MCM8: variants seen among roughly 807,000 people sequenced by gnomAD.
The protein encoded by MCM8 is DNA helicase MCM8.
Under a neutral mutation model 98.9 loss-of-function variants are expected in MCM8, and 85 were observed. That is an observed-to-expected ratio of 0.86 (90% CI 0.72 to 1.03). MCM8 has a LOEUF of 1.03. Among genes scored for constraint, MCM8 ranks in the 50% least tolerant of loss-of-function variants. The probability of loss-of-function intolerance (pLI) is 0.00; values close to 1 mark genes in which losing one functional copy is unlikely to be tolerated. For missense variants in MCM8, 951 were observed against 997.8 expected (o/e 0.95, Z 0.63); for synonymous variants, 352 against 338.6 (o/e 1.04, Z -0.44).
chr20:5,990,505 G>C (rs1303307097), intron 17 of MCM8, among the ~76,000 whole-genome samples: 2 of 152,150 alleles, frequency 1.3e-5, no homozygotes. Context: ...TTATGTTGGA[G>C]ACCCTCTAGT....
chr20:5,975,730 T>C lies in MCM8; in HGVS notation c.1396-2146T>C, dbSNP rs969074160. On this transcript the variant is annotated intron_variant, in intron 12 of 18. Transcript: ENST00000610722. ...CGAGGAGGGTCTCCATCTCCTGACCTTGTGATCCGCCCGCCTCAGCCTCCC... is the reference window on the plus strand; with the variant it reads ...CGAGGAGGGTCTCCATCTCCTGACCCTGTGATCCGCCCGCCTCAGCCTCCC... Among the ~76,000 whole-genome samples, 31 of 151,720 alleles carry C rather than the reference T, an allele frequency of 2.0e-4. No homozygotes were observed. The East Asian group carries it at 5.6e-3, about 28-fold the overall frequency.
intron 1 of MCM8, among the ~76,000 whole-genome samples, chr20:5,951,686 A>G (rs1042212996): frequency 2.0e-5 from 3 of 152,214 alleles, no homozygotes; most frequent in Non-Finnish European, 4.4e-5. Flanking sequence ...TCATAGAGTT[A>G]ATTACCTGTC....
intron 7 of MCM8, 45 bp from the exon 8 acceptor site, chr20:5,963,229 A>G (rs2089192007): frequency 1.4e-6 from 2 of 1,400,898 alleles, no homozygotes; most frequent in Non-Finnish European, 1.0e-6. Context: ...AGGTGTGATT[A>G]TAGTTTATCA....
chr20:5,959,928 A>T (rs982875783), intron 7 of MCM8, among the ~76,000 whole-genome samples: 4 of 151,888 alleles, frequency 2.6e-5, no homozygotes, highest in African/African-American at 9.7e-5. Context: ...CAAACTCCTG[A>T]CCTGGTGATC....
intron 10 of MCM8, 92 bp from the exon 11 acceptor site, chr20:5,971,915 A>C (rs979513859): frequency 9.7e-7 from 1 of 1,026,822 alleles, no homozygotes; most frequent in African/African-American, 1.6e-5. Flanking sequence ...GTCTTTGTTG[A>C]TATTAAGCAG....
In MCM8 at chr20:5,977,887, T is replaced by C. The variant is rs756211514; in HGVS notation, c.1407T>C (p.Asn469=). 2 of 1,614,194 alleles carry C rather than the reference T, an allele frequency of 1.2e-6. No homozygotes were observed. Among genetic ancestry groups the C allele is most frequent in the Non-Finnish European group, 1.7e-6 (2 of 1,180,020 alleles). The change falls in exon 13 of 19, where the codon AAT becomes AAC. Residue 469 remains asparagine (N), a synonymous_variant. Transcript: ENST00000610722. ...GKSQMLQAAC[N]VAPRGVYVCG... ...TTTTGTTTCCTTAGGCAGCGTGCAA[T>C]GTTGCCCCACGTGGCGTGTATGTTT...
intron 5 of MCM8, 71 bp downstream of exon 5, chr20:5,955,322 T>C: frequency 7.1e-7 from 1 of 1,412,910 alleles, no homozygotes; most frequent in Non-Finnish European, 9.7e-7. Flanking sequence ...ACACCTTGTC[T>C]AAGTTTAAAG....
Position 5,998,891 on chromosome 20 carries a change from C to T in MCM8, c.*4500C>T, listed in dbSNP as rs1466125684. 6.6e-6 allele frequency: 1 copy of T among 152,066 alleles called. No homozygotes were observed. The highest frequency in any genetic ancestry group is 1.5e-5 in the Non-Finnish European group (1 of 68,018). The allele number at this position is 152,066 out of a possible 1,614,324, so 9.4% of individuals were successfully genotyped here. On this transcript the variant is annotated 3_prime_UTR_variant, in exon 19 of 19. Coordinates refer to ENST00000610722, the MANE Select transcript of MCM8 (RefSeq NM_032485.6). ...CTTGGGAATGGAAAGGCAGAGTGCA[C>T]CTATTGAATTCCATCATCAGTTTTT... is the stretch of plus-strand genomic sequence containing the variant.
intron 1 of MCM8, 59 bp from the exon 2 acceptor site, chr20:5,951,952 T>C (rs940932993): frequency 1.3e-6 from 2 of 1,530,674 alleles, no homozygotes; most frequent in Non-Finnish European, 1.8e-6. Context: ...TAATACATTT[T>C]TAAGAGCACT....
chr20:5,977,211 C>CG (rs1568588153), intron 12 of MCM8, among the ~76,000 whole-genome samples: 2 of 152,202 alleles, frequency 1.3e-5, no homozygotes, highest in Non-Finnish European at 2.9e-5. Context: ...CTGCCATACA[C>CG]GGCAGTTTTA....
Position 5,996,974 on chromosome 20 carries a change from G to A in MCM8, c.*2583G>A, listed in dbSNP as rs1157063180. ...AAGCTCTGGCCTAGGCTTTTCACTT[G>A]CTTCTTTACTGCCTGACTGACTTTG... is the stretch of plus-strand genomic sequence containing the variant. On this transcript the variant is annotated 3_prime_UTR_variant, in exon 19 of 19. Transcript: ENST00000610722. The A allele has an allele frequency of 6.6e-6, 1 of 152,202 alleles. No homozygotes were observed. Among genetic ancestry groups the A allele is most frequent in the Non-Finnish European group, 1.5e-5 (1 of 68,068 alleles). The allele number at this position is 152,202 out of a possible 1,614,324, so 9.4% of individuals were successfully genotyped here.
intron 12 of MCM8, among the ~76,000 whole-genome samples, chr20:5,974,016 C>T (rs1382884532): frequency 6.6e-6 from 1 of 152,148 alleles, no homozygotes; most frequent in East Asian, 1.9e-4. Context: ...CTGCCTCTGC[C>T]AGTCAGAGCC....
chr20:5,958,561 G>T lies in MCM8; in HGVS notation c.624G>T (p.Lys208Asn). ...ACTATGAGCCTTTGACACAGCTCAA[G>T]AATGTCAGAGCAAATTACTATGGAA... The part of the protein sequence containing the change: ...VYNYEPLTQL[K>N]NVRANYYGKY... Residue 208 changes from lysine (K) to asparagine (N), a missense_variant, in exon 7 of 19, where the codon AAG (lysine) becomes AAT (asparagine). Coordinates refer to ENST00000610722, the MANE Select transcript of MCM8 (RefSeq NM_032485.6). 6.2e-7 allele frequency: 1 copy of T among 1,614,110 alleles called. No individual in the cohort carries two copies. Among genetic ancestry groups the T allele is most frequent in the Non-Finnish European group, 8.5e-7 (1 of 1,180,004 alleles).
chr20:5,963,745 C>T (rs1224361856), intron 8 of MCM8, among the ~76,000 whole-genome samples: 1 of 151,952 alleles, frequency 6.6e-6, no homozygotes, highest in Non-Finnish European at 1.5e-5. Context: ...ACCGTGTTAG[C>T]CAGGATGGTC....
chr20:5,963,351 G>A lies in MCM8; in HGVS notation c.867G>A (p.Gln289=). The change falls in exon 8 of 19, where the codon CAG becomes CAA. Residue 289 remains glutamine, a synonymous_variant. Transcript: ENST00000610722. ...CTCTCACAGTTACGATGGACTGGCA[G>A]TCAATCAAGTAAGCGATCAGACTGT... ...SSPLTVTMDW[Q]SIKIQELMSD... is the part of the protein sequence containing the mutation. 2.5e-6 allele frequency: 4 copies of A among 1,613,476 alleles called. No homozygotes were observed. Among genetic ancestry groups the A allele is most frequent in the African/African-American group, 2.7e-5 (2 of 74,982 alleles).
At chr20:5,984,145 T>C (rs1423329522) in intron 14 of MCM8, among the ~76,000 whole-genome samples, 1 of 152,214 alleles carries the variant, frequency 6.6e-6, no homozygotes, top group African/African-American at 2.4e-5. Context: ...GAAAAATATA[T>C]TTAAGTGATA....
chr20:5,977,338 G>C (rs186152816), intron 12 of MCM8, among the ~76,000 whole-genome samples: 1 of 152,332 alleles, frequency 6.6e-6, no homozygotes, highest in East Asian at 1.9e-4. Context: ...AGAGGTCTGA[G>C]AGCCACACAG....
At chr20:5,993,754 A>AG in intron 18 of MCM8, 59 bp downstream of exon 18, 1 of 1,335,682 alleles carries the variant, frequency 7.5e-7, no homozygotes, top group Non-Finnish European at 1.0e-6. Context: ...GTTAATATAT[A>AG]GTAGAACAGA....
At position 5,952,035 on chromosome 20, in the gene MCM8, G is replaced by A. The variant is rs1394286785; in HGVS notation, c.20G>A (p.Gly7Asp). 6.2e-7 allele frequency: 1 copy of A among 1,613,926 alleles called. No homozygotes were observed. Among genetic ancestry groups the A allele is most frequent in the East Asian group, 2.2e-5 (1 of 44,854 alleles). Residue 7 changes from glycine to aspartate, a missense_variant, in exon 2 of 19, where the codon GGC (glycine) becomes GAC (aspartate). By Grantham distance (94) the Gly-to-Asp change is moderately conservative (BLOSUM62 -1). Transcript: ENST00000610722. ...GGAGAGATGAATGGAGAGTATAGAG[G>A]CAGAGGATTTGGACGAGGAAGATTT... is the stretch of plus-strand genomic sequence containing the variant. MNGEYR[G>D]RGFGRGRFQS... is the part of the protein sequence containing the mutation.
Sources: allele counts gnomAD v4.1 joint callset (sites outside exome capture counted in the v4.1 genomes callset), GRCh38; gene constraint gnomAD v4.1.1; transcripts MANE v1.5; gene names NCBI Gene and HGNC (gene_info 2026-07-23, HGNC 2026-07-21).